Variants in MS4A12 observed in about 807,000 individuals in gnomAD.
MS4A12 encodes membrane spanning 4-domains A12, also known as membrane-spanning 4-domains subfamily A member 12.
Under a neutral mutation model 23.7 loss-of-function variants are expected in MS4A12, and 28 were observed. That is an observed-to-expected ratio of 1.18 (90% CI 0.88 to 1.62). The LOEUF (loss-of-function observed/expected upper bound fraction) is 1.62. Ranked by LOEUF, MS4A12 falls within the 40% of genes most tolerant of loss-of-function variation. The probability of loss-of-function intolerance (pLI) is 0.00; values close to 1 mark genes in which losing one functional copy is unlikely to be tolerated. For synonymous variants in MS4A12, 108 were observed against 110.1 expected (o/e 0.98, Z 0.12); for missense variants, 342 against 327.0 (o/e 1.05, Z -0.35).
chr11:60,496,394 G>A (rs1370371570), intron 1 of MS4A12, among the ~76,000 whole-genome samples: 8 of 152,104 alleles, frequency 5.3e-5, no homozygotes, highest in Admixed American at 4.6e-4. Flanking sequence ...AGTCATTGTT[G>A]TCCATATTCA....
intron 5 of MS4A12, among the ~76,000 whole-genome samples, chr11:60,505,866 AAATGCACAGG>A (rs1394254639): frequency 2.6e-5 from 4 of 152,198 alleles, no homozygotes; most frequent in Non-Finnish European, 5.9e-5. Flanking sequence ...GAATGAGCAG[AAATGCACAGG>A]AATGCACAGG....
intron 2 of MS4A12, among the ~76,000 whole-genome samples, chr11:60,500,125 T>C (rs7933148): frequency 0.57 from 86,678 of 151,344 alleles, 24,988 homozygotes; most frequent in East Asian, 0.65. Context: ...CCTGTAGTCC[T>C]AGCTACTCGG....
intron 4 of MS4A12, 28 bp from the exon 5 acceptor site, chr11:60,503,673 A>G (rs1160675606): frequency 6.5e-7 from 1 of 1,545,098 alleles, no homozygotes; most frequent in African/African-American, 1.4e-5. Context: ...CCTGTATATA[A>G]TTGATTTTTT....
At chr11:60,496,066 G>A (rs1036112227) in intron 1 of MS4A12, among the ~76,000 whole-genome samples, 1 of 152,134 alleles carries the variant, frequency 6.6e-6, no homozygotes, top group Non-Finnish European at 1.5e-5. Flanking sequence ...GTCACTTAAC[G>A]ACTCAGCTTC....
rs1256409444 is a variant in MS4A12 at position 60,501,974 on chromosome 11, T to G, written c.415-9T>G. 6 of 1,608,924 alleles carry G rather than the reference T, an allele frequency of 3.7e-6. No homozygotes were observed. Among genetic ancestry groups the G allele is most frequent in the Non-Finnish European group, 5.1e-6 (6 of 1,176,212 alleles). Reference sequence around the variant, plus strand: ...CCCATTTCACAAATAAATTTGTCCATTTCCACAGTTTATTATCTCTGGCTC... The same window carrying G: ...CCCATTTCACAAATAAATTTGTCCAGTTCCACAGTTTATTATCTCTGGCTC... On this transcript the variant is annotated splice_polypyrimidine_tract_variant and intron_variant, in intron 3 of 6. Coordinates refer to ENST00000016913, the MANE Select transcript of MS4A12 (RefSeq NM_017716.3).
At chr11:60,501,660 G>A (rs913506399) in intron 3 of MS4A12, among the ~76,000 whole-genome samples, 2 of 152,100 alleles carry the variant, frequency 1.3e-5, no homozygotes, top group Admixed American at 6.6e-5. Context: ...GCCAGCCTGG[G>A]CAATATAGTG....
At position 60,497,479 on chromosome 11, in the gene MS4A12, T is replaced by C; in HGVS notation, c.161T>C (p.Ile54Thr). The C allele has an allele frequency of 2.5e-6, 4 of 1,614,184 alleles. No individual in the cohort carries two copies. Among genetic ancestry groups the C allele is most frequent in the Non-Finnish European group, 3.4e-6 (4 of 1,180,024 alleles). ...GCTCAGCGTGCTCAGCCCTACGGCA[T>C]CACATCTCCGGGAATCTTTGCTAGC... Reference protein sequence around the residue: ...QGAQRAQPYGITSPGIFASSQ... With the variant: ...QGAQRAQPYGTTSPGIFASSQ... The change falls in exon 2 of 7, where the codon ATC becomes ACC. Residue 54 changes from isoleucine to threonine, a missense_variant. Physicochemically the swap from Ile to Thr is moderately conservative, Grantham distance 89. Coordinates refer to ENST00000016913, the MANE Select transcript of MS4A12 (RefSeq NM_017716.3).
At chr11:60,500,543 G>A (rs375659746) in intron 2 of MS4A12, among the ~76,000 whole-genome samples, 13 of 152,192 alleles carry the variant, frequency 8.5e-5, no homozygotes, top group African/African-American at 2.9e-4. Flanking sequence ...ACTCAATCCA[G>A]TTGTAGGAGG....
chr11:60,502,421 C>T (rs1230565978), intron 4 of MS4A12, among the ~76,000 whole-genome samples: 1 of 152,186 alleles, frequency 6.6e-6, no homozygotes, highest in African/African-American at 2.4e-5. Flanking sequence ...GTTCATTTGC[C>T]ACTTCTCAGC....
intron 1 of MS4A12, among the ~76,000 whole-genome samples, chr11:60,495,877 A>G (rs955505573): frequency 1.3e-5 from 2 of 152,188 alleles, no homozygotes; most frequent in African/African-American, 4.8e-5. Context: ...AGAAGACAGA[A>G]GTTTTGTTGT....
At chr11:60,500,823 A>T (rs1385227131) in intron 2 of MS4A12, among the ~76,000 whole-genome samples, 12 of 152,206 alleles carry the variant, frequency 7.9e-5, no homozygotes, top group Admixed American at 2.0e-4. Context: ...TAAATTCTCC[A>T]AATACCTCAA....
chr11:60,497,581 C>G lies in MS4A12; in HGVS notation c.263C>G (p.Ala88Gly), dbSNP rs540180988. 1 of 1,613,978 alleles carries G rather than the reference C, an allele frequency of 6.2e-7. No individual in the cohort carries two copies. Among genetic ancestry groups the G allele is most frequent in the African/African-American group, 1.3e-5 (1 of 75,036 alleles). Residue 88 changes from alanine (A) to glycine (G), a missense_variant, in exon 2 of 7, where the codon GCA becomes GGA. By Grantham distance (60) the Ala-to-Gly change is moderately conservative. Transcript: ENST00000016913. ...GTAVMNFKEE[A>G]KALGVIQIMV... Reference sequence around the variant, plus strand: ...GCAGTAATGAACTTTAAAGAAGAAGCAAAGGCACTAGGGGTAAGTCTATTT... The same window carrying G: ...GCAGTAATGAACTTTAAAGAAGAAGGAAAGGCACTAGGGGTAAGTCTATTT...
intron 2 of MS4A12, among the ~76,000 whole-genome samples, chr11:60,499,962 AC>A (rs1205619473): frequency 6.6e-6 from 1 of 152,208 alleles, no homozygotes. Context: ...ATGATTGCAT[AC>A]CTGCAACTTT....
intron 4 of MS4A12, among the ~76,000 whole-genome samples, chr11:60,502,339 T>G (rs2086537423): frequency 6.6e-6 from 1 of 152,198 alleles, no homozygotes; most frequent in Non-Finnish European, 1.5e-5. Context: ...CACACTCTAT[T>G]ATGGGAAGTC....
In MS4A12 at chr11:60,506,761, A is replaced by T. The variant is rs771505319; in HGVS notation, c.622A>T (p.Ile208Phe). 3.7e-6 allele frequency: 6 copies of T among 1,614,028 alleles called. No homozygotes were observed. The highest frequency in any genetic ancestry group is 5.1e-6 in the Non-Finnish European group (6 of 1,180,008). Residue 208 changes from isoleucine (I) to phenylalanine (F), a missense_variant, in exon 6 of 7, where the codon ATC (isoleucine) becomes TTC (phenylalanine). Ile to Phe is a conservative substitution (Grantham distance 21). Transcript: ENST00000016913. ...SGKGISATLMIFSLLEFFVAC... is the reference protein window; with the variant it reads ...SGKGISATLMFFSLLEFFVAC... The stretch of plus-strand genomic sequence containing the variant: ...AAAAGGCATTTCAGCCACGCTGATG[A>T]TCTTCTCCCTCTTGGAGTTCTTCGT...
intron 4 of MS4A12, among the ~76,000 whole-genome samples, chr11:60,502,566 A>G (rs569190777): frequency 6.6e-6 from 1 of 152,344 alleles, no homozygotes; most frequent in African/African-American, 2.4e-5. Flanking sequence ...ATGATGAGTA[A>G]GACAGGACTT....
At position 60,507,144 on chromosome 11, in the gene MS4A12, A is replaced by G. The variant is rs1195237590; in HGVS notation, c.*20A>G. ...AAATAGTAAAAGAAAAAGGGGTATC[A>G]GTCTAATCTCATGGAGAAAAACTAC... On this transcript the variant is annotated 3_prime_UTR_variant, in exon 7 of 7. Coordinates refer to ENST00000016913, the MANE Select transcript of MS4A12 (RefSeq NM_017716.3). 3.8e-6 allele frequency: 6 copies of G among 1,572,830 alleles called. No homozygotes were observed. The highest frequency in any genetic ancestry group is 5.2e-6 in the Non-Finnish European group (6 of 1,143,838).
intron 2 of MS4A12, among the ~76,000 whole-genome samples, chr11:60,499,590 T>C (rs1279632160): frequency 2.6e-5 from 4 of 152,218 alleles, no homozygotes; most frequent in African/African-American, 7.2e-5. Flanking sequence ...GCAAGAATAA[T>C]TTTTCAGGGA....
At position 60,502,593 on chromosome 11, in the gene MS4A12, C is replaced by T. The variant is rs571703775; in HGVS notation, c.471+554C>T. 7.2e-5 allele frequency among the ~76,000 whole-genome samples: 11 copies of T among 152,292 alleles called. No individual in the cohort carries two copies. In the East Asian group the frequency reaches 1.7e-3, roughly 24 times the overall value. ...ACAGGACTTTGAGCTCTGTCGGTCA[C>T]AGCACCCCACCTATTCCAATTTCGT... On this transcript the variant is annotated intron_variant, in intron 4 of 6. Coordinates refer to ENST00000016913, the MANE Select transcript of MS4A12 (RefSeq NM_017716.3).
Sources: allele counts gnomAD v4.1 joint callset (sites outside exome capture counted in the v4.1 genomes callset), GRCh38; gene constraint gnomAD v4.1.1; transcripts MANE v1.5; gene names NCBI Gene and HGNC (gene_info 2026-07-23, HGNC 2026-07-21).